The following CAB39 variants were observed in gnomAD, a reference collection of about 807,000 sequenced individuals.
CAB39 encodes the protein calcium-binding protein 39.
CAB39 carries 8 observed loss-of-function variants against 40.0 expected under a neutral mutation model. That is an observed-to-expected ratio of 0.20 (90% CI 0.12 to 0.36). CAB39 has a LOEUF of 0.36. Among genes scored for constraint, CAB39 ranks in the 10% least tolerant of loss-of-function variants. CAB39 has a pLI of 1.00. For missense variants in CAB39, 270 were observed against 401.1 expected (o/e 0.67, Z 2.79); for synonymous variants, 156 against 141.6 (o/e 1.10, Z -0.72).
At chr2:230,778,237 G>A (rs1695628131) in intron 2 of CAB39, among the ~76,000 whole-genome samples, 1 of 152,176 alleles carries the variant, frequency 6.6e-6, no homozygotes, top group South Asian at 2.1e-4. Flanking sequence ...ATCTCACCAA[G>A]TAAAGTCCTG....
At chr2:230,782,789 GTTTC>G (rs375221449) in intron 2 of CAB39, among the ~76,000 whole-genome samples, 1,822 of 116,620 alleles carry the variant, frequency 0.016, 94 homozygotes, top group African/African-American at 0.035. Flanking sequence ...ACAGACTGCT[GTTTC>G]TTTCTTTCTT....
chr2:230,777,312 G>A (rs1430103861), intron 2 of CAB39, among the ~76,000 whole-genome samples: 2 of 149,972 alleles, frequency 1.3e-5, no homozygotes, highest in African/African-American at 4.9e-5. Context: ...GGGCAGATAA[G>A]TAAATGAGTA....
chr2:230,771,328 AAG>A, intron 2 of CAB39, among the ~76,000 whole-genome samples: 1 of 152,174 alleles, frequency 6.6e-6, no homozygotes, highest in Non-Finnish European at 1.5e-5. Context: ...AAAAAAGAAA[AAG>A]AAAAAAACTA....
intron 2 of CAB39, among the ~76,000 whole-genome samples, chr2:230,766,812 C>T (rs1695393862): frequency 6.6e-6 from 1 of 152,228 alleles, no homozygotes; most frequent in African/African-American, 2.4e-5. Context: ...CAGGTATGAG[C>T]TGCCATGCCT....
chr2:230,791,134 C>T, intron 3 of CAB39, 98 bp downstream of exon 3: 1 of 969,638 alleles, frequency 1.0e-6, no homozygotes, highest in East Asian at 2.8e-5. Context: ...TCCTTTTGGG[C>T]TCTTGGCTCA....
chr2:230,802,753 G>A (rs1446595502), intron 5 of CAB39, among the ~76,000 whole-genome samples: 5 of 152,178 alleles, frequency 3.3e-5, no homozygotes, highest in Admixed American at 6.5e-5. Context: ...CTCTGAAATT[G>A]AGGCAATCAT....
chr2:230,724,966 C>T (rs1465522360), intron 1 of CAB39, among the ~76,000 whole-genome samples: 1 of 151,392 alleles, frequency 6.6e-6, no homozygotes, highest in African/African-American at 2.4e-5. Flanking sequence ...CATGCAAGAG[C>T]GAGAATCCAA....
chr2:230,751,205 T>A (rs919228930), intron 1 of CAB39, among the ~76,000 whole-genome samples: 2 of 152,242 alleles, frequency 1.3e-5, no homozygotes, highest in Non-Finnish European at 2.9e-5. Flanking sequence ...TTGTGCTTTT[T>A]GTATTTGACC....
intron 5 of CAB39, among the ~76,000 whole-genome samples, chr2:230,806,656 A>G (rs1696200228): frequency 6.6e-6 from 1 of 152,210 alleles, no homozygotes; most frequent in Non-Finnish European, 1.5e-5. Context: ...GGGGTCCCAT[A>G]GAAAATGGAC....
chr2:230,798,656 T>G, intron 4 of CAB39, 73 bp from the exon 5 acceptor site: 2 of 1,294,004 alleles, frequency 1.5e-6, no homozygotes, highest in South Asian at 1.5e-5. Context: ...CCTGAAAGTT[T>G]GAACTGTTCA....
intron 2 of CAB39, among the ~76,000 whole-genome samples, chr2:230,769,844 G>A (rs1394191590): frequency 9.3e-5 from 14 of 151,272 alleles, no homozygotes; most frequent in East Asian, 1.9e-4. Flanking sequence ...AAAAAGGGCC[G>A]GGACTCGGGA....
intron 2 of CAB39, among the ~76,000 whole-genome samples, chr2:230,780,626 C>T (rs147377098): frequency 1.6e-3 from 241 of 152,226 alleles, no homozygotes; most frequent in African/African-American, 5.0e-3. Context: ...GATTCAATGT[C>T]GATTATGCAT....
At chr2:230,782,813 C>CTTTCTTTCTTTTTTT (rs1286339069) in intron 2 of CAB39, among the ~76,000 whole-genome samples, 2 of 81,764 alleles carry the variant, frequency 2.4e-5, no homozygotes, top group African/African-American at 6.2e-5. Flanking sequence ...TTCTTTCTTT[C>CTTTCTTTCTTTTTTT]TTTTTTTTTT....
intron 1 of CAB39, among the ~76,000 whole-genome samples, 191 bp from the exon 2 acceptor site, chr2:230,759,768 T>A (rs1267138668): frequency 6.6e-6 from 1 of 152,260 alleles, no homozygotes; most frequent in Non-Finnish European, 1.5e-5. Context: ...AATACAGTGT[T>A]CTGTAATTCT....
chr2:230,724,418 G>A (rs1274374019), intron 1 of CAB39, among the ~76,000 whole-genome samples: 2 of 151,660 alleles, frequency 1.3e-5, no homozygotes, highest in African/African-American at 2.4e-5. Context: ...ACGGTGGCTC[G>A]CCCCTGTAAT....
chr2:230,792,679 T>G (rs1695912096), intron 3 of CAB39, among the ~76,000 whole-genome samples: 1 of 152,220 alleles, frequency 6.6e-6, no homozygotes, highest in Non-Finnish European at 1.5e-5. Context: ...CTATATAAAG[T>G]CTTCCCTAAA....
intron 2 of CAB39, among the ~76,000 whole-genome samples, chr2:230,788,266 G>A (rs998671096): frequency 2.0e-5 from 3 of 147,884 alleles, no homozygotes; most frequent in African/African-American, 7.5e-5. Context: ...TTTTTAAGTG[G>A]TTGCTTTAGG....
At chr2:230,794,602 T>G (rs1462268788) in intron 4 of CAB39, among the ~76,000 whole-genome samples, 1 of 152,178 alleles carries the variant, frequency 6.6e-6, no homozygotes, top group Admixed American at 6.5e-5. Flanking sequence ...ATTTACAGTT[T>G]AGAGCTCTCA....
intron 1 of CAB39, among the ~76,000 whole-genome samples, chr2:230,737,811 T>G (rs1694812766): frequency 6.6e-6 from 1 of 152,256 alleles, no homozygotes; most frequent in Admixed American, 6.5e-5. Context: ...TTTTAGATAC[T>G]GCTTTGAGAT....
Sources: allele counts gnomAD v4.1 joint callset (sites outside exome capture counted in the v4.1 genomes callset), GRCh38; gene constraint gnomAD v4.1.1; transcripts MANE v1.5; gene names NCBI Gene and HGNC (gene_info 2026-07-23, HGNC 2026-07-21).